FLNB: variants seen among roughly 807,000 people sequenced by gnomAD.
FLNB encodes filamin-B.
Under a neutral mutation model 250.6 loss-of-function variants are expected in FLNB, and 111 were observed. That is an observed-to-expected ratio of 0.44 (90% CI 0.38 to 0.52). The LOEUF (loss-of-function observed/expected upper bound fraction) is 0.52, where lower values mean the gene tolerates loss of function less well. FLNB is among the 20% of genes least tolerant of loss of function. FLNB has a pLI of 0.00. For synonymous variants in FLNB, 1,302 were observed against 1,372.1 expected, an observed-to-expected ratio of 0.95 and a Z score of 1.13; for missense variants, 2,869 against 3,447.8, an observed-to-expected ratio of 0.83 and a Z score of 4.20.
intron 21 of FLNB, 98 bp from the exon 22 acceptor site, chr3:58,124,234 G>A: frequency 8.3e-7 from 1 of 1,208,264 alleles, no homozygotes; most frequent in Non-Finnish European, 1.2e-6. Context: ...ACTGAAATTG[G>A]ACTTCATGTG....
intron 10 of FLNB, 112 bp downstream of exon 10, chr3:58,104,197 ACT>A: frequency 5.6e-6 from 6 of 1,076,324 alleles, no homozygotes; most frequent in East Asian, 2.6e-5. Context: ...TTTGTTGAAA[ACT>A]TTTTTTTTTT....
chr3:58,090,994 C>G (rs2097226138), intron 4 of FLNB, among the ~76,000 whole-genome samples: 1 of 151,764 alleles, frequency 6.6e-6, no homozygotes, highest in African/African-American at 2.4e-5. Flanking sequence ...AGGAGAATGG[C>G]ATGAACCCGG....
In FLNB at chr3:58,038,868, C is replaced by G. The variant is rs114676035; in HGVS notation, c.292+30012C>G. ...CCCAGTGCATAGAAGAGATAGTTCT[C>G]TGTAGATGATGTTGAACAATGTGGT... On this transcript the variant is annotated intron_variant, in intron 1 of 45. Coordinates refer to ENST00000295956, the MANE Select transcript of FLNB (RefSeq NM_001457.4). 4.1e-3 allele frequency among the ~76,000 whole-genome samples: 621 copies of G among 152,186 alleles called. 4 individuals carry two copies. Among genetic ancestry groups the G allele is most frequent in the African/African-American group, 0.014 (584 of 41,520 alleles).
intron 1 of FLNB, among the ~76,000 whole-genome samples, chr3:58,060,825 AAAG>A (rs2097177464): frequency 6.6e-6 from 1 of 151,448 alleles, no homozygotes; most frequent in Non-Finnish European, 1.5e-5. Context: ...AAAGAAAAGA[AAAG>A]AAAAACATGC....
chr3:58,134,809 C>T, intron 27 of FLNB, 37 bp downstream of exon 27: 1 of 1,590,610 alleles, frequency 6.3e-7, no homozygotes, highest in Non-Finnish European at 8.6e-7. Context: ...AACCTTAATC[C>T]TAAGACTTAA....
At position 58,121,486 on chromosome 3, in the gene FLNB, C is replaced by T. The variant is rs1473659054; in HGVS notation, c.3109C>T (p.Pro1037Ser). ...GSPYTVEASL[P>S]PDPSKVKAHG... ...CCCCTACACAGTGGAGGCCTCGCTG[C>T]CACCAGATCCCAGCAAGGTCAGCCT... Residue 1037 changes from proline (P) to serine (S), a missense_variant, in exon 20 of 46, where the codon CCA becomes TCA. By Grantham distance (74) the Pro-to-Ser change is moderately conservative. Transcript: ENST00000295956. 1 of 1,614,048 alleles carries T rather than the reference C, an allele frequency of 6.2e-7. No homozygotes were observed. Among genetic ancestry groups the T allele is most frequent in the African/African-American group, 1.3e-5 (1 of 75,034 alleles).
chr3:58,045,072 G>T (rs927882902), intron 1 of FLNB, among the ~76,000 whole-genome samples: 1 of 152,170 alleles, frequency 6.6e-6, no homozygotes, highest in Non-Finnish European at 1.5e-5. Context: ...GATGAGCCTG[G>T]GTGAAGGGAT....
intron 1 of FLNB, among the ~76,000 whole-genome samples, chr3:58,060,217 C>T (rs2097176035): frequency 6.6e-6 from 1 of 152,152 alleles, no homozygotes; most frequent in East Asian, 1.9e-4. Context: ...TTTTTGGTGG[C>T]TTGAAAAACA....
At chr3:58,124,560 G>A in intron 22 of FLNB, 55 bp downstream of exon 22, 1 of 1,584,572 alleles carries the variant, frequency 6.3e-7, no homozygotes. Flanking sequence ...CTTGGTCATT[G>A]CCTCCTGGTG....
At chr3:58,056,107 T>TTATTTTA (rs1443432175) in intron 1 of FLNB, among the ~76,000 whole-genome samples, 15 of 120,982 alleles carry the variant, frequency 1.2e-4, no homozygotes, top group African/African-American at 6.8e-4. Flanking sequence ...ATTTATTTAT[T>TTATTTTA]TTTTTTTTTT....
intron 1 of FLNB, among the ~76,000 whole-genome samples, chr3:58,015,006 C>G (rs779429708): frequency 6.6e-6 from 1 of 152,198 alleles, no homozygotes; most frequent in Non-Finnish European, 1.5e-5. Flanking sequence ...GGATTACAGG[C>G]GTGAGCCACC....
At chr3:58,022,649 GAGA>G (rs988409477) in intron 1 of FLNB, among the ~76,000 whole-genome samples, 8 of 152,176 alleles carry the variant, frequency 5.3e-5, no homozygotes, top group African/African-American at 1.9e-4. Flanking sequence ...TTGCAATTCT[GAGA>G]AGTAGTTATT....
At chr3:58,073,747 C>CTT (rs2097197944) in intron 1 of FLNB, among the ~76,000 whole-genome samples, 1 of 152,058 alleles carries the variant, frequency 6.6e-6, no homozygotes, top group African/African-American at 2.4e-5. Flanking sequence ...ATCTGAATGC[C>CTT]TAACTAAGGA....
At chr3:58,102,011 G>A (rs1256680784) in intron 8 of FLNB, among the ~76,000 whole-genome samples, 192 bp from the exon 9 acceptor site, 2 of 152,182 alleles carry the variant, frequency 1.3e-5, no homozygotes, top group African/African-American at 4.8e-5. Flanking sequence ...GGTGTCACTG[G>A]ACAAAGTTAT....
intron 1 of FLNB, among the ~76,000 whole-genome samples, chr3:58,045,199 A>G (rs1379570512): frequency 6.6e-6 from 1 of 152,242 alleles, no homozygotes; most frequent in Non-Finnish European, 1.5e-5. Flanking sequence ...TTGGGGAATC[A>G]TAGTATTACT....
At chr3:58,147,025 G>T in intron 34 of FLNB, 32 bp downstream of exon 34, 1 of 1,611,564 alleles carries the variant, frequency 6.2e-7, no homozygotes, top group South Asian at 1.1e-5. Context: ...GGTCTTCCTC[G>T]TGGGAAGTAT....
chr3:58,011,201 C>T (rs747729276), intron 1 of FLNB, among the ~76,000 whole-genome samples: 5 of 152,074 alleles, frequency 3.3e-5, no homozygotes, highest in African/African-American at 9.7e-5. Flanking sequence ...CCTGAGCCAC[C>T]GCGCCCAGCC....
At chr3:58,125,004 C>T (rs2097295363) in intron 22 of FLNB, among the ~76,000 whole-genome samples, 4 of 152,040 alleles carry the variant, frequency 2.6e-5, no homozygotes, top group Admixed American at 2.6e-4. Context: ...TGGTGTTTTC[C>T]CGAATGAGAG....
At chr3:58,072,203 C>T (rs908661201) in intron 1 of FLNB, among the ~76,000 whole-genome samples, 1 of 152,128 alleles carries the variant, frequency 6.6e-6, no homozygotes, top group East Asian at 1.9e-4. Context: ...TCAGGGTTGT[C>T]CAGAGCCAAG....
Sources: gnomAD v4.1 joint callset for allele counts (sites outside exome capture counted in the v4.1 genomes callset) on GRCh38, gnomAD v4.1.1 for gene constraint, MANE v1.5 for transcripts, NCBI Gene and HGNC (gene_info 2026-07-23, HGNC 2026-07-21) for gene names.